The following KNOP1 variants were observed in gnomAD, a reference collection of about 807,000 sequenced individuals.
The protein encoded by KNOP1 is lysine rich nucleolar protein 1.
A neutral mutation model predicts 30.6 loss-of-function variants in KNOP1; 20 were observed. The ratio of observed to expected loss-of-function variants is 0.65; its 90% CI spans 0.46 to 0.95. The LOEUF (loss-of-function observed/expected upper bound fraction) is 0.95. Among genes scored for constraint, KNOP1 ranks in the 40% least tolerant of loss-of-function variants. The probability of loss-of-function intolerance (pLI) is 0.00; values close to 1 mark genes in which losing one functional copy is unlikely to be tolerated. For synonymous variants in KNOP1, 204 were observed against 210.0 expected, an observed-to-expected ratio of 0.97 and a Z score of 0.25; for missense variants, 540 against 562.0, an observed-to-expected ratio of 0.96 and a Z score of 0.40.
rs1368699794 is a variant in KNOP1, at chr16:19,702,203, G to C, written c.*4707C>G. ...TCTCCATGTTGGTCAGGCTGGTCTAGAACTCCTGACCTCAGGTGATCCGCC... is the reference window on the plus strand; with the variant it reads ...TCTCCATGTTGGTCAGGCTGGTCTACAACTCCTGACCTCAGGTGATCCGCC... On this transcript the variant is annotated 3_prime_UTR_variant, in exon 5 of 5. Transcript: ENST00000219837. 2.6e-5 allele frequency: 4 copies of C among 152,162 alleles called. No individual in the cohort carries two copies. The highest frequency in any genetic ancestry group is 5.9e-5 in the Non-Finnish European group (4 of 68,046). The allele number at this position is 152,162 out of a possible 1,614,324, so 9.4% of individuals were successfully genotyped here. A position where few individuals can be genotyped will look rare whatever the true frequency, so the allele number is the denominator to read the frequency against.
At position 19,718,156 on chromosome 16, in the gene KNOP1, A is replaced by C; in HGVS notation, c.-3+2T>G. The C allele has an allele frequency of 6.8e-7, 1 of 1,475,146 alleles. No homozygotes were observed. The highest frequency in any genetic ancestry group is 8.9e-7 in the Non-Finnish European group (1 of 1,117,912). The allele number at this position is 1,475,146 out of a possible 1,614,324, so 91.4% of individuals were successfully genotyped here. On this transcript the variant is annotated splice_donor_variant, in intron 1 of 4. Transcript: ENST00000219837. LOFTEE classifies it low-confidence loss of function (5UTR_SPLICE). ...CCGCCTGCAACGCGCCCTGGCACTCACCGGTGGGCGAAATTTCCCCGCCTC... is the reference window on the plus strand; with the variant it reads ...CCGCCTGCAACGCGCCCTGGCACTCCCCGGTGGGCGAAATTTCCCCGCCTC...
Position 19,714,521 on chromosome 16 carries a change from C to T in KNOP1, c.515G>A (p.Cys172Tyr), listed in dbSNP as rs751808453. ...TAFSVQDPWF[C>Y]EAREARDVGD... Reference sequence around the variant, plus strand: ...AACATCCCTGGCCTCCCTGGCCTCACAGAACCAAGGGTCCTGGACCGAGAA... The same window carrying T: ...AACATCCCTGGCCTCCCTGGCCTCATAGAACCAAGGGTCCTGGACCGAGAA... Residue 172 changes from cysteine (C) to tyrosine (Y), a missense_variant, in exon 2 of 5, where the codon TGT (cysteine) becomes TAT (tyrosine). By Grantham distance (194) the Cys-to-Tyr change is radical. Coordinates refer to ENST00000219837, the MANE Select transcript of KNOP1 (RefSeq NM_001012991.3). 2 of 1,614,130 alleles carry T rather than the reference C, an allele frequency of 1.2e-6. No individual in the cohort carries two copies. The highest frequency in any genetic ancestry group is 1.7e-6 in the Non-Finnish European group (2 of 1,179,996).
intron 4 of KNOP1, 37 bp downstream of exon 4, chr16:19,710,472 G>C (rs765302551): frequency 1.2e-6 from 2 of 1,606,214 alleles, no homozygotes; most frequent in Non-Finnish European, 1.7e-6. Flanking sequence ...GAGGCCGAGC[G>C]TGCCACCTCC....
In KNOP1 at chr16:19,714,824, T is replaced by C; in HGVS notation, c.212A>G (p.Lys71Arg). The C allele has an allele frequency of 1.9e-6, 3 of 1,613,564 alleles. No homozygotes were observed. Among genetic ancestry groups the C allele is most frequent in the Non-Finnish European group, 2.5e-6 (3 of 1,179,798 alleles). ...CTCGCAAAGGGTGCTGACACCCTTC[T>C]TTTTCTTCTTCTTTTTCTTCACTAG... is the stretch of plus-strand genomic sequence containing the variant. ...MPLVKKKKKK[K>R]KGVSTLCEEH... is the part of the protein sequence containing the mutation. The change falls in exon 2 of 5, where the codon AAG becomes AGG. Residue 71 changes from lysine to arginine, a missense_variant. Transcript: ENST00000219837.
At chr16:19,710,958 T>C (rs770740588) in intron 3 of KNOP1, among the ~76,000 whole-genome samples, 9 of 150,174 alleles carry the variant, frequency 6.0e-5, no homozygotes, top group African/African-American at 2.0e-4. Flanking sequence ...GAAAGTCCAC[T>C]TCCCACAGGG....
rs767423892 is a variant in KNOP1 at position 19,707,119 on chromosome 16, A to T, written c.1168T>A (p.Phe390Ile). 1.2e-6 allele frequency: 2 copies of T among 1,614,152 alleles called. No homozygotes were observed. Among genetic ancestry groups the T allele is most frequent in the East Asian group, 4.5e-5 (2 of 44,878 alleles). ...GCAATCGTGCTGGCGGGGCGGCTGA[A>T]CGAAGGGGACAGGTTTTTGAAGCCA... ...MGGFKNLSPSFSRPASTIARP... is the reference protein window; with the variant it reads ...MGGFKNLSPSISRPASTIARP... The change falls in exon 5 of 5, where the codon TTC (phenylalanine) becomes ATC (isoleucine). Residue 390 changes from phenylalanine (F) to isoleucine (I), a missense_variant. By Grantham distance (21) the Phe-to-Ile change is conservative (BLOSUM62 0). Transcript: ENST00000219837.
chr16:19,710,485 G>A (rs756349701), intron 4 of KNOP1, 24 bp downstream of exon 4: 36 of 1,612,546 alleles, frequency 2.2e-5, no homozygotes, highest in Middle Eastern at 1.8e-4. Flanking sequence ...CCACCTCCTC[G>A]CAGAGCCCTA....
rs1597455610 is a variant in KNOP1, at chr16:19,703,050, T to G, written c.*3860A>C. 1.3e-5 allele frequency: 1 copy of G among 75,762 alleles called. No homozygotes were observed. The highest frequency in any genetic ancestry group is 2.2e-5 in the Non-Finnish European group (1 of 46,394). 4.7% of individuals were successfully genotyped at this position (75,762 alleles called of 1,614,324 possible). A position where few individuals can be genotyped will look rare whatever the true frequency, so the allele number is the denominator to read the frequency against. ...ACCATGGCAACTTCCACATGAGACT[T>G]ACTTACATTAGGTCTTCTATTGTTA... On this transcript the variant is annotated 3_prime_UTR_variant, in exon 5 of 5. Transcript: ENST00000219837.
At position 19,714,211 on chromosome 16, in the gene KNOP1, C is replaced by T. The variant is rs749451619; in HGVS notation, c.825G>A (p.Lys275=). 4.6e-5 allele frequency: 75 copies of T among 1,613,960 alleles called. No homozygotes were observed. The highest frequency in any genetic ancestry group is 6.1e-5 in the Non-Finnish European group (72 of 1,180,036). Residue 275 remains lysine (K), a synonymous_variant, in exon 2 of 5, where the codon AAG becomes AAA. Coordinates refer to ENST00000219837, the MANE Select transcript of KNOP1 (RefSeq NM_001012991.3). ...GCTCCTCGATGACTGGCTGCTCTAC[C>T]TTCTTTTTGGACTTCATCTTTTTCT... ...SAKKKMKSKK[K]VEQPVIEEPA...
At position 19,706,972 on chromosome 16, in the gene KNOP1, C is replaced by T. The variant is rs374832937; in HGVS notation, c.1315G>A (p.Ala439Thr). 77 of 1,613,556 alleles carry T rather than the reference C, an allele frequency of 4.8e-5. No homozygotes were observed. Among genetic ancestry groups the T allele is most frequent in the African/African-American group, 4.5e-4 (34 of 75,028 alleles). The change falls in exon 5 of 5, where the codon GCC becomes ACC. Residue 439 changes from alanine (A) to threonine (T), a missense_variant. Transcript: ENST00000219837. ...SRGAGLGFST[A>T]PNKIFYIDRN... ...TCAATGTAAAAGATCTTGTTGGGGGCGGTGGAGAAGCCGAGGCCGGCTCCC... is the reference window on the plus strand; with the variant it reads ...TCAATGTAAAAGATCTTGTTGGGGGTGGTGGAGAAGCCGAGGCCGGCTCCC...
chr16:19,708,134 A>C (rs1004640642), intron 4 of KNOP1, among the ~76,000 whole-genome samples: 1 of 151,078 alleles, frequency 6.6e-6, no homozygotes, highest in Non-Finnish European at 1.5e-5. Flanking sequence ...AGGGTGGGAG[A>C]GGGCGAGTGG....
rs112224515 is a variant in KNOP1, at chr16:19,712,903, G to A, written c.918+1215C>T. On this transcript the variant is annotated intron_variant, in intron 2 of 4. Transcript: ENST00000219837. Reference sequence around the variant, plus strand: ...GGGTCTGGGGAGCCACCAGCCCTCCGGCTCACCTCAGGCCTCCCTCTCCCA... The same window carrying A: ...GGGTCTGGGGAGCCACCAGCCCTCCAGCTCACCTCAGGCCTCCCTCTCCCA... 5.3e-4 allele frequency among the ~76,000 whole-genome samples: 81 copies of A among 152,206 alleles called. 1 individual carries two copies. The highest frequency in any genetic ancestry group is 1.9e-3 in the African/African-American group (77 of 41,524).
rs1441261394 is a variant in KNOP1 at position 19,703,144 on chromosome 16, T to G, written c.*3766A>C. The G allele has an allele frequency of 6.6e-6, 1 of 152,236 alleles. No individual in the cohort carries two copies. Among genetic ancestry groups the G allele is most frequent in the Non-Finnish European group, 1.5e-5 (1 of 68,058 alleles). The allele number at this position is 152,236 out of a possible 1,614,324, so 9.4% of individuals were successfully genotyped here. A position where few individuals can be genotyped will look rare whatever the true frequency, so the allele number is the denominator to read the frequency against. On this transcript the variant is annotated 3_prime_UTR_variant, in exon 5 of 5. Transcript: ENST00000219837. Reference sequence around the variant, plus strand: ...TGTCATCTGACGGTTCTATAGGTCTTAAGTCCGCCTGGTCTCACTGAGCTA... The same window carrying G: ...TGTCATCTGACGGTTCTATAGGTCTGAAGTCCGCCTGGTCTCACTGAGCTA...
intron 1 of KNOP1, chr16:19,717,687 A>C (rs1397337224): frequency 1.4e-5 from 14 of 986,158 alleles, no homozygotes; most frequent in Non-Finnish European, 1.6e-5. Flanking sequence ...ACCGCTTTTA[A>C]ATTCCAGGGA....
chr16:19,715,231 A>G, intron 1 of KNOP1, 194 bp from the exon 2 acceptor site: 1 of 472,242 alleles, frequency 2.1e-6, no homozygotes, highest in Non-Finnish European at 3.7e-6. Context: ...ACACAGCCCT[A>G]GGTTCAAACC....
chr16:19,706,346 C>G lies in KNOP1; in HGVS notation c.*564G>C, dbSNP rs950450963. 2.0e-5 allele frequency: 3 copies of G among 153,194 alleles called. No homozygotes were observed. Among genetic ancestry groups the G allele is most frequent in the African/African-American group, 7.2e-5 (3 of 41,438 alleles). The allele number at this position is 153,194 out of a possible 1,614,324, so 9.5% of individuals were successfully genotyped here. Reference sequence around the variant, plus strand: ...GCTTCGGGTACAAAAGTACAACACCCTGCACTTAGTGGCTGGGTGACCCCA... The same window carrying G: ...GCTTCGGGTACAAAAGTACAACACCGTGCACTTAGTGGCTGGGTGACCCCA... On this transcript the variant is annotated 3_prime_UTR_variant, in exon 5 of 5. Transcript: ENST00000219837.
At chr16:19,710,465 G>C (rs771574431) in intron 4 of KNOP1, 44 bp downstream of exon 4, 45 of 1,595,692 alleles carry the variant, frequency 2.8e-5, no homozygotes, top group Non-Finnish European at 2.6e-6. Context: ...GCGTCGGGAG[G>C]CCGAGCGTGC....
In KNOP1 at chr16:19,705,291, G is replaced by T. The variant is rs139162004; in HGVS notation, c.*1619C>A. 2.0e-4 allele frequency: 93 copies of T among 455,906 alleles called. No individual in the cohort carries two copies. In the East Asian group the frequency reaches 6.1e-3, roughly 30 times the overall value. The allele number at this position is 455,906 out of a possible 1,614,324, so 28.2% of individuals were successfully genotyped here. A position where few individuals can be genotyped will look rare whatever the true frequency, so the allele number is the denominator to read the frequency against. On this transcript the variant is annotated 3_prime_UTR_variant, in exon 5 of 5. Coordinates refer to ENST00000219837, the MANE Select transcript of KNOP1 (RefSeq NM_001012991.3). Reference sequence around the variant, plus strand: ...GGCCATCGAGGCCTGCCTGGGCTGGGATGTCTGTAGGAGGCATGTTCAGGC... The same window carrying T: ...GGCCATCGAGGCCTGCCTGGGCTGGTATGTCTGTAGGAGGCATGTTCAGGC...
In KNOP1 at chr16:19,714,363, G is replaced by C. The variant is rs568217451; in HGVS notation, c.673C>G (p.Leu225Val). Reference protein sequence around the residue: ...KKKIHQEGDALPGHSKPSRSM... With the variant: ...KKKIHQEGDAVPGHSKPSRSM... ...CTGGAGGGCTTGGAGTGGCCTGGGA[G>C]GGCATCTCCCTCCTGGTGGATTTTT... The change falls in exon 2 of 5, where the codon CTC becomes GTC. Residue 225 changes from leucine (L) to valine (V), a missense_variant. Physicochemically the swap from Leu to Val is conservative, Grantham distance 32 (BLOSUM62 1). Coordinates refer to ENST00000219837, the MANE Select transcript of KNOP1 (RefSeq NM_001012991.3). 3 of 1,613,966 alleles carry C rather than the reference G, an allele frequency of 1.9e-6. No homozygotes were observed. In the African/African-American group the frequency reaches 4.0e-5, roughly 22 times the overall value.
Sources: gnomAD v4.1 joint callset for allele counts (sites outside exome capture counted in the v4.1 genomes callset) on GRCh38, gnomAD v4.1.1 for gene constraint, MANE v1.5 for transcripts, NCBI Gene and HGNC (gene_info 2026-07-23, HGNC 2026-07-21) for gene names.